CTNNA2: variants seen among roughly 807,000 people sequenced by gnomAD.
The protein encoded by CTNNA2 is catenin alpha-2.
A neutral mutation model predicts 101.0 loss-of-function variants in CTNNA2; 42 were observed. The ratio of observed to expected loss-of-function variants is 0.42; its 90% CI spans 0.32 to 0.54. CTNNA2 has a LOEUF of 0.54. Among genes scored for constraint, CTNNA2 ranks in the 20% least tolerant of loss-of-function variants. The pLI is 0.14. For synonymous variants in CTNNA2, 450 were observed against 456.4 expected (o/e 0.99, Z 0.18); for missense variants, 871 against 1,223.1 (o/e 0.71, Z 4.29).
At chr2:79,942,643 A>T (rs889575924) in intron 7 of CTNNA2, among the ~76,000 whole-genome samples, 1 of 152,156 alleles carries the variant, frequency 6.6e-6, no homozygotes, top group Non-Finnish European at 1.5e-5. Context: ...GTTCTTATAC[A>T]CTAAAGGACA....
chr2:79,545,935 A>G (rs1308935036), intron 1 of CTNNA2, among the ~76,000 whole-genome samples: 1 of 152,216 alleles, frequency 6.6e-6, no homozygotes, highest in Non-Finnish European at 1.5e-5. Flanking sequence ...TACAACAATC[A>G]TATGAAGTAA....
intron 6 of CTNNA2, among the ~76,000 whole-genome samples, chr2:79,894,913 C>A (rs559816156): frequency 6.6e-6 from 1 of 152,270 alleles, no homozygotes; most frequent in Non-Finnish European, 1.5e-5. Context: ...AATATATTAA[C>A]TGTTTGATCT....
At position 80,220,714 on chromosome 2, in the gene CTNNA2, C is replaced by A. The variant is rs78674527; in HGVS notation, c.1057-172497C>A. Among the ~76,000 whole-genome samples the A allele has an allele frequency of 4.1e-3, 619 of 152,278 alleles. 2 individuals are homozygous for A. Among genetic ancestry groups the A allele is most frequent in the African/African-American group, 0.014 (586 of 41,556 alleles). On this transcript the variant is annotated intron_variant, in intron 7 of 18. Coordinates refer to ENST00000402739, the MANE Select transcript of CTNNA2 (RefSeq NM_001282597.3). ...GACTTCTTGCTGCTGGTGTAGGAGC[C>A]CACCATATGTGTGCTGAAGCTCAGC...
At chr2:79,530,015 T>C (rs761243144) in intron 1 of CTNNA2, among the ~76,000 whole-genome samples, 1 of 152,022 alleles carries the variant, frequency 6.6e-6, no homozygotes, top group Non-Finnish European at 1.5e-5. Flanking sequence ...GAAGAGACTG[T>C]GGAAACTGGT....
At chr2:80,616,998 C>G (rs1698908275) in intron 17 of CTNNA2, among the ~76,000 whole-genome samples, 1 of 151,644 alleles carries the variant, frequency 6.6e-6, no homozygotes, top group African/African-American at 2.4e-5. Context: ...AATAGACAAT[C>G]TAAGTTCAGT....
chr2:79,298,545 C>G (rs1558613110), intron 2 of CTNNA2, among the ~76,000 whole-genome samples: 1 of 152,190 alleles, frequency 6.6e-6, no homozygotes, highest in Non-Finnish European at 1.5e-5. Flanking sequence ...GGTTCCATCT[C>G]AACCTCTCTT....
rs568883407 is a variant in CTNNA2 at position 80,305,367 on chromosome 2, C to T, written c.1057-87844C>T. ...AGACTTGACTGAGATCCCTCCGGGG[C>T]TTCATCAGGCTCCACAGATACATAT... On this transcript the variant is annotated intron_variant, in intron 7 of 18. Coordinates refer to ENST00000402739, the MANE Select transcript of CTNNA2 (RefSeq NM_001282597.3). 93 of 985,146 alleles carry T rather than the reference C, an allele frequency of 9.4e-5. 1 individual carries two copies. Among genetic ancestry groups the T allele is most frequent in the Middle Eastern group, 1.0e-3 (2 of 1,936 alleles). 61.0% of individuals were successfully genotyped at this position (985,146 alleles called of 1,614,324 possible).
chr2:79,853,702 C>G (rs1344669184), intron 3 of CTNNA2, among the ~76,000 whole-genome samples: 5 of 135,430 alleles, frequency 3.7e-5, no homozygotes, highest in African/African-American at 1.4e-4. Flanking sequence ...GAATTTCACT[C>G]TTGTTGCCCA....
At chr2:79,544,649 G>T (rs1673622879) in intron 1 of CTNNA2, among the ~76,000 whole-genome samples, 1 of 152,174 alleles carries the variant, frequency 6.6e-6, no homozygotes, top group African/African-American at 2.4e-5. Context: ...TCTAGCTTCA[G>T]AATTTTTTCT....
At chr2:80,386,622 G>T (rs1385476956) in intron 7 of CTNNA2, among the ~76,000 whole-genome samples, 3 of 152,172 alleles carry the variant, frequency 2.0e-5, no homozygotes, top group Non-Finnish European at 4.4e-5. Context: ...ACAGCAAAAT[G>T]TGTTGGAGAT....
chr2:80,485,661 A>C (rs988727070), intron 9 of CTNNA2, among the ~76,000 whole-genome samples: 11 of 152,356 alleles, frequency 7.2e-5, no homozygotes, highest in Admixed American at 2.0e-4. Flanking sequence ...TTTTTTATTA[A>C]AAAATTGAAA....
intron 7 of CTNNA2, among the ~76,000 whole-genome samples, chr2:79,956,702 A>C (rs1299772048): frequency 6.6e-6 from 1 of 152,210 alleles, no homozygotes; most frequent in Non-Finnish European, 1.5e-5. Context: ...CATACCTCAG[A>C]ATATTCCCCT....
At chr2:80,319,150 A>G (rs754304813) in intron 7 of CTNNA2, among the ~76,000 whole-genome samples, 7 of 152,210 alleles carry the variant, frequency 4.6e-5, no homozygotes, top group Non-Finnish European at 1.0e-4. Flanking sequence ...CTATGTTCAG[A>G]CAGTAATAAC....
At chr2:79,943,180 G>T (rs1278730355) in intron 7 of CTNNA2, among the ~76,000 whole-genome samples, 2 of 151,996 alleles carry the variant, frequency 1.3e-5, no homozygotes, top group African/African-American at 2.4e-5. Context: ...TCACGCAATT[G>T]TATTCCAGCC....
Position 80,545,856 on chromosome 2 carries a change from C to G in CTNNA2, c.1384-51C>G, listed in dbSNP as rs956467130. On this transcript the variant is annotated intron_variant, in intron 10 of 18. Transcript: ENST00000402739. ...AACATGGTCTTTGACCGGCTTATTC[C>G]TCTTTTGAAGTGTGTGGTCATCATG... 3 of 1,585,614 alleles carry G rather than the reference C, an allele frequency of 1.9e-6. No individual in the cohort carries two copies. The African/African-American group carries it at 4.0e-5, about 21-fold the overall frequency.
At chr2:79,335,744 A>G (rs1020091275) in intron 3 of CTNNA2, among the ~76,000 whole-genome samples, 6 of 152,206 alleles carry the variant, frequency 3.9e-5, no homozygotes, top group African/African-American at 1.4e-4. Context: ...AAGGTGGTTC[A>G]TGAAAGCTAA....
At chr2:80,354,847 G>A (rs1407093465) in intron 7 of CTNNA2, among the ~76,000 whole-genome samples, 2 of 152,150 alleles carry the variant, frequency 1.3e-5, no homozygotes, top group Non-Finnish European at 2.9e-5. Context: ...CCTTGCTTCA[G>A]TTGTATGCCA....
intron 7 of CTNNA2, chr2:80,298,365 A>G (rs1277633179): frequency 6.6e-6 from 1 of 152,200 alleles, no homozygotes; most frequent in Non-Finnish European, 1.5e-5. Flanking sequence ...CTCTTGCTCC[A>G]AAACAGATAT....
chr2:79,430,142 G>A (rs1215970292), intron 4 of CTNNA2, among the ~76,000 whole-genome samples: 7 of 152,004 alleles, frequency 4.6e-5, no homozygotes, highest in Non-Finnish European at 5.9e-5. Context: ...GACATTATTA[G>A]CCCATGTTTT....
Sources: gnomAD v4.1 joint callset for allele counts (sites outside exome capture counted in the v4.1 genomes callset) on GRCh38, gnomAD v4.1.1 for gene constraint, MANE v1.5 for transcripts, NCBI Gene and HGNC (gene_info 2026-07-23, HGNC 2026-07-21) for gene names.